The following RAP1A variants were observed in gnomAD, a reference collection of about 807,000 sequenced individuals.
RAP1A encodes the protein RAP1A, member of RAS oncogene family.
In RAP1A, 6 loss-of-function variants were observed where a neutral mutation model predicts 26.4. The ratio of observed to expected loss-of-function variants is 0.23; its 90% CI spans 0.12 to 0.45. RAP1A has a LOEUF of 0.45. RAP1A is among the 20% of genes least tolerant of loss of function. The pLI, the probability that RAP1A is intolerant of heterozygous loss-of-function variation, is 0.99. For synonymous variants in RAP1A, 73 were observed against 79.4 expected, an observed-to-expected ratio of 0.92 and a Z score of 0.43; for missense variants, 121 against 217.2, an observed-to-expected ratio of 0.56 and a Z score of 2.78.
chr1:111,640,660 T>A (rs1487959357), intron 1 of RAP1A, among the ~76,000 whole-genome samples: 2 of 152,214 alleles, frequency 1.3e-5, no homozygotes, highest in African/African-American at 2.4e-5. Context: ...CACGATTTTT[T>A]AATAATTCAC....
At chr1:111,629,003 G>A (rs574726953) in intron 1 of RAP1A, among the ~76,000 whole-genome samples, 4 of 152,120 alleles carry the variant, frequency 2.6e-5, no homozygotes, top group Admixed American at 1.3e-4. Context: ...GGATATCCTC[G>A]CTTTTAGACT....
Position 111,714,751 on chromosome 1 carries a change from C to T in RAP1A, c.*2350C>T, listed in dbSNP as rs946959610. 6.6e-6 allele frequency: 1 copy of T among 152,196 alleles called. No homozygotes were observed. The highest frequency in any genetic ancestry group is 1.5e-5 in the Non-Finnish European group (1 of 68,036). 9.4% of individuals were successfully genotyped at this position (152,196 alleles called of 1,614,324 possible). On this transcript the variant is annotated 3_prime_UTR_variant, in exon 8 of 8. Coordinates refer to ENST00000369709, the MANE Select transcript of RAP1A (RefSeq NM_002884.4). ...TGTTTTTATATTGTCCTAATGTGAA[C>T]TCCTTAGTCTTGGTTCCAAAGGGAA...
At chr1:111,612,673 A>C (rs1449872550) in intron 1 of RAP1A, among the ~76,000 whole-genome samples, 6 of 152,232 alleles carry the variant, frequency 3.9e-5, no homozygotes, top group Admixed American at 6.5e-5. Flanking sequence ...AAGCCTTTGG[A>C]GTTGGCTGAT....
At chr1:111,648,897 A>C (rs183939394) in intron 1 of RAP1A, 3 of 795,536 alleles carry the variant, frequency 3.8e-6, no homozygotes, top group Non-Finnish European at 6.6e-6. Context: ...AGAGCTGGCA[A>C]TCTGGGCTTG....
At chr1:111,575,373 A>G (rs146169071) in intron 1 of RAP1A, among the ~76,000 whole-genome samples, 6,548 of 152,222 alleles carry the variant, frequency 0.043, 486 homozygotes, top group African/African-American at 0.15. Flanking sequence ...GGCTGGTCTC[A>G]AACTCCTGGC....
At chr1:111,688,808 G>GTTTTTTTTTTTTT (rs753016302) in intron 1 of RAP1A, among the ~76,000 whole-genome samples, 11 of 124,114 alleles carry the variant, frequency 8.9e-5, no homozygotes, top group East Asian at 4.7e-4. Context: ...TTTTGTTTTT[G>GTTTTTTTTTTTTT]TTTTTTTTTT....
At position 111,655,658 on chromosome 1, in the gene RAP1A, C is replaced by CTTTT. The variant is rs34266778; in HGVS notation, c.-27-35652_-27-35649dup. ...GAAGAACCTTAAAAATGTTCATAGT[C>CTTTT]TTTTTTTTTTTTTTTTTTTTTTTTT... On this transcript the variant is annotated intron_variant, in intron 1 of 7. Transcript: ENST00000369709. Among the ~76,000 whole-genome samples, 377 of 85,148 alleles carry CTTTT rather than the reference C, an allele frequency of 4.4e-3. 40 individuals are homozygous for CTTTT. Among genetic ancestry groups the CTTTT allele is most frequent in the African/African-American group, 0.018 (346 of 18,904 alleles). 55.9% of individuals were successfully genotyped at this position (85,148 alleles called of 152,430 possible). A position where few individuals can be genotyped will look rare whatever the true frequency, so the allele number is the denominator to read the frequency against.
In RAP1A at chr1:111,672,809, A is replaced by G. The variant is rs537942484; in HGVS notation, c.-27-18525A>G. On this transcript the variant is annotated intron_variant, in intron 1 of 7. Coordinates refer to ENST00000369709, the MANE Select transcript of RAP1A (RefSeq NM_002884.4). ...TTTTTAGGATTTTGTCTTTGTTTTTAGGGTTTGGAATTTTAACTACAATAT... is the reference window on the plus strand; with the variant it reads ...TTTTTAGGATTTTGTCTTTGTTTTTGGGGTTTGGAATTTTAACTACAATAT... Among the ~76,000 whole-genome samples, 250 of 152,150 alleles carry G rather than the reference A, an allele frequency of 1.6e-3. 2 individuals carry two copies. The highest frequency in any genetic ancestry group is 3.3e-3 in the Non-Finnish European group (225 of 67,966).
rs566088791 is a variant in RAP1A at position 111,676,192 on chromosome 1, C to T, written c.-27-15142C>T. On this transcript the variant is annotated intron_variant, in intron 1 of 7. Transcript: ENST00000369709. ...CCAACATGGTGAAACCCTGTTTCTA[C>T]TAAAAATACAAAAATTAGCCAGGCA... Among the ~76,000 whole-genome samples, 15 of 152,158 alleles carry T rather than the reference C, an allele frequency of 9.9e-5. No homozygotes were observed. The South Asian group carries it at 3.1e-3, about 32-fold the overall frequency.
intron 1 of RAP1A, chr1:111,563,799 A>AC (rs1657840109): frequency 2.0e-6 from 3 of 1,490,560 alleles, no homozygotes; most frequent in South Asian, 1.1e-5. Context: ...GCAGACTCAG[A>AC]CCCCAACCTC....
chr1:111,688,295 G>GTGTA (rs1553226252), intron 1 of RAP1A, among the ~76,000 whole-genome samples: 1 of 92,770 alleles, frequency 1.1e-5, no homozygotes, highest in East Asian at 3.4e-4. Context: ...GTGTGTGTGT[G>GTGTA]TGTGTATATA....
chr1:111,710,505 G>T (rs1379983522), intron 7 of RAP1A, among the ~76,000 whole-genome samples: 2 of 152,282 alleles, frequency 1.3e-5, no homozygotes, highest in South Asian at 2.1e-4. Flanking sequence ...CTTATTACAT[G>T]ATTATTACTA....
At chr1:111,631,304 A>G in intron 1 of RAP1A, among the ~76,000 whole-genome samples, 1 of 152,188 alleles carries the variant, frequency 6.6e-6, no homozygotes. Context: ...GTAGACAAAG[A>G]TCTTTAAACA....
chr1:111,693,244 A>G (rs1019556886), intron 2 of RAP1A, among the ~76,000 whole-genome samples: 5 of 152,170 alleles, frequency 3.3e-5, no homozygotes, highest in South Asian at 2.1e-4. Flanking sequence ...CATAACCATA[A>G]TGGGGTGGGT....
intron 5 of RAP1A, 129 bp downstream of exon 5, chr1:111,703,605 A>G (rs1000332639): frequency 8.0e-6 from 7 of 877,768 alleles, no homozygotes; most frequent in Non-Finnish European, 9.6e-6. Flanking sequence ...CCCTGTGACC[A>G]AAAGAAAAAA....
At chr1:111,643,281 A>G (rs1320967211) in intron 1 of RAP1A, among the ~76,000 whole-genome samples, 2 of 152,224 alleles carry the variant, frequency 1.3e-5, no homozygotes, top group African/African-American at 4.8e-5. Context: ...AAAAACAGAC[A>G]GTGGCCCAGA....
chr1:111,645,246 G>A (rs1660029052), intron 1 of RAP1A, among the ~76,000 whole-genome samples: 1 of 152,184 alleles, frequency 6.6e-6, no homozygotes, highest in Non-Finnish European at 1.5e-5. Context: ...AATTGCAGGG[G>A]AAATATATAG....
chr1:111,681,342 A>T (rs763655615), intron 1 of RAP1A, among the ~76,000 whole-genome samples: 3 of 152,234 alleles, frequency 2.0e-5, no homozygotes, highest in Non-Finnish European at 4.4e-5. Flanking sequence ...AATTGGATGG[A>T]AAATGAGTTT....
intron 1 of RAP1A, among the ~76,000 whole-genome samples, chr1:111,613,117 A>T (rs1473363988): frequency 6.6e-6 from 1 of 151,626 alleles, no homozygotes; most frequent in African/African-American, 2.4e-5. Flanking sequence ...TCATAAGATC[A>T]GTGGTAGATA....
Sources: gnomAD v4.1 joint callset for allele counts (sites outside exome capture counted in the v4.1 genomes callset) on GRCh38, gnomAD v4.1.1 for gene constraint, MANE v1.5 for transcripts, NCBI Gene and HGNC (gene_info 2026-07-23, HGNC 2026-07-21) for gene names.